The following DCLK1 variants were observed in gnomAD, a reference collection of about 807,000 sequenced individuals.
DCLK1 encodes the protein serine/threonine-protein kinase DCLK1.
A neutral mutation model predicts 86.2 loss-of-function variants in DCLK1; 16 were observed. That is an observed-to-expected ratio of 0.19 (90% CI 0.13 to 0.28). The LOEUF is 0.28. Among genes scored for constraint, DCLK1 ranks in the 10% least tolerant of loss-of-function variants. The pLI, the probability that DCLK1 is intolerant of heterozygous loss-of-function variation, is 1.00. For synonymous variants in DCLK1, 369 were observed against 370.5 expected (o/e 1.00, Z 0.05); for missense variants, 590 against 940.2 (o/e 0.63, Z 4.87).
At chr13:35,823,355 G>GCGCA (rs1555342185) in intron 10 of DCLK1, among the ~76,000 whole-genome samples, 3 of 147,766 alleles carry the variant, frequency 2.0e-5, no homozygotes, top group Non-Finnish European at 4.5e-5. Context: ...TTATTAGGAT[G>GCGCA]CACACACACA....
At chr13:35,842,336 G>A (rs958390619) in intron 6 of DCLK1, among the ~76,000 whole-genome samples, 9 of 148,464 alleles carry the variant, frequency 6.1e-5, no homozygotes, top group Non-Finnish European at 1.0e-4. Flanking sequence ...TTCTAGAGTT[G>A]CCCAGTACAG....
chr13:36,077,668 G>A (rs1240968146), intron 3 of DCLK1, among the ~76,000 whole-genome samples: 1 of 152,172 alleles, frequency 6.6e-6, no homozygotes, highest in Admixed American at 6.5e-5. Flanking sequence ...CAAACAGATT[G>A]ATGACTTGGG....
At chr13:35,971,488 T>C (rs1879056267) in intron 3 of DCLK1, among the ~76,000 whole-genome samples, 1 of 152,076 alleles carries the variant, frequency 6.6e-6, no homozygotes, top group Non-Finnish European at 1.5e-5. Context: ...GTAGGCCAGG[T>C]GCAGTGGCTC....
chr13:36,110,953 C>G (rs2138187842), intron 3 of DCLK1, among the ~76,000 whole-genome samples: 1 of 151,778 alleles, frequency 6.6e-6, no homozygotes, highest in Middle Eastern at 3.4e-3. Context: ...GCCTCAGCCC[C>G]CTGAGTAGCT....
intron 3 of DCLK1, among the ~76,000 whole-genome samples, chr13:36,065,246 T>C (rs1029317842): frequency 9.2e-5 from 14 of 152,186 alleles, no homozygotes; most frequent in African/African-American, 2.9e-4. Context: ...AAAATGGGCA[T>C]AGAAACAGCA....
intron 3 of DCLK1, among the ~76,000 whole-genome samples, chr13:35,980,225 G>A (rs1436250054): frequency 1.3e-5 from 2 of 152,166 alleles, no homozygotes; most frequent in African/African-American, 4.8e-5. Context: ...GGAGGCCAAG[G>A]CGGGAGGATT....
intron 3 of DCLK1, among the ~76,000 whole-genome samples, chr13:36,091,825 G>A (rs1263016806): frequency 6.6e-6 from 1 of 152,004 alleles, no homozygotes; most frequent in Admixed American, 6.6e-5. Flanking sequence ...CCCCACTACT[G>A]GCATCATTTT....
At chr13:35,938,000 C>T (rs1158177486) in intron 4 of DCLK1, among the ~76,000 whole-genome samples, 3 of 151,948 alleles carry the variant, frequency 2.0e-5, no homozygotes, top group Admixed American at 2.0e-4. Flanking sequence ...ATCCACGAAA[C>T]AGTAGGAACA....
intron 4 of DCLK1, among the ~76,000 whole-genome samples, chr13:35,874,951 C>T (rs1167278992): frequency 6.6e-6 from 1 of 152,208 alleles, no homozygotes; most frequent in Non-Finnish European, 1.5e-5. Context: ...GGCATGCTTC[C>T]TCGTACATTT....
chr13:36,120,674 T>TAAA (rs67389934), intron 2 of DCLK1, among the ~76,000 whole-genome samples: 169 of 151,874 alleles, frequency 1.1e-3, no homozygotes, highest in African/African-American at 3.9e-3. Flanking sequence ...TACAAGTTAA[T>TAAA]AAAAACCCTA....
intron 15 of DCLK1, among the ~76,000 whole-genome samples, chr13:35,795,390 T>C (rs1441728114): frequency 6.6e-6 from 1 of 152,224 alleles, no homozygotes; most frequent in Admixed American, 6.5e-5. Flanking sequence ...ATCCCAGAAT[T>C]GAAGCCTTCA....
Position 35,774,270 on chromosome 13 carries a change from T to A in DCLK1, c.*265A>T. 1 of 396,196 alleles carries A rather than the reference T, an allele frequency of 2.5e-6. No individual in the cohort carries two copies. The highest frequency in any genetic ancestry group is 4.6e-6 in the Non-Finnish European group (1 of 216,838). 24.5% of individuals were successfully genotyped at this position (396,196 alleles called of 1,614,324 possible). ...TAGCTTGACTGATGAAAACATTCAT[T>A]GCTTCTAAGTTTAAAAAAAAATTGC... On this transcript the variant is annotated 3_prime_UTR_variant, in exon 17 of 17. Coordinates refer to ENST00000360631, the MANE Select transcript of DCLK1 (RefSeq NM_001330071.2).
intron 3 of DCLK1, among the ~76,000 whole-genome samples, chr13:35,968,198 C>A (rs1878878168): frequency 6.6e-6 from 1 of 152,008 alleles, no homozygotes; most frequent in African/African-American, 2.4e-5. Flanking sequence ...TTCATAGAGA[C>A]AAGAGGTGGA....
At chr13:35,954,490 T>A (rs893425097) in intron 3 of DCLK1, among the ~76,000 whole-genome samples, 2 of 152,226 alleles carry the variant, frequency 1.3e-5, no homozygotes, top group African/African-American at 4.8e-5. Context: ...CCTATAATCA[T>A]GTAATTCCAT....
intron 5 of DCLK1, among the ~76,000 whole-genome samples, chr13:35,859,371 C>A (rs946108554): frequency 6.6e-6 from 1 of 151,580 alleles, no homozygotes; most frequent in Non-Finnish European, 1.5e-5. Flanking sequence ...TCATCCTTTG[C>A]TGTGCTTGTT....
intron 2 of DCLK1, among the ~76,000 whole-genome samples, chr13:36,122,989 G>T (rs1886046596): frequency 6.6e-6 from 1 of 152,156 alleles, no homozygotes; most frequent in East Asian, 1.9e-4. Context: ...CATAGATAAA[G>T]AAATTCACAA....
chr13:36,110,428 G>A (rs915656436), intron 3 of DCLK1, among the ~76,000 whole-genome samples: 3 of 151,996 alleles, frequency 2.0e-5, no homozygotes, highest in Non-Finnish European at 2.9e-5. Flanking sequence ...AGCAAAAGAT[G>A]GTAAATACAA....
rs1057386197 is a variant in DCLK1 at position 35,771,740 on chromosome 13, T to C, written c.*2795A>G. The C allele has an allele frequency of 1.4e-4, 22 of 152,206 alleles. No homozygotes were observed. The highest frequency in any genetic ancestry group is 1.3e-3 in the Admixed American group (20 of 15,270). The allele number at this position is 152,206 out of a possible 1,614,324, so 9.4% of individuals were successfully genotyped here. On this transcript the variant is annotated 3_prime_UTR_variant, in exon 17 of 17. Transcript: ENST00000360631. ...ACCATAAGAGAGCTATATTAAATAC[T>C]TGGGAAAAAATATGGAAACACCGGT...
Position 35,827,431 on chromosome 13 carries a change from A to G in DCLK1, c.1407+204T>C, listed in dbSNP as rs150708561. Among the ~76,000 whole-genome samples the G allele has an allele frequency of 1.3e-3, 191 of 152,330 alleles. 1 individual carries two copies. Among genetic ancestry groups the G allele is most frequent in the African/African-American group, 2.2e-3 (90 of 41,588 alleles). On this transcript the variant is annotated intron_variant, in intron 10 of 16. Coordinates refer to ENST00000360631, the MANE Select transcript of DCLK1 (RefSeq NM_001330071.2). The stretch of plus-strand genomic sequence containing the variant: ...TGTTGAAAGTGAGACATAAAGAGGT[A>G]GACCCAAAGTCATGGGCCTCTTTGT...
Sources: allele counts gnomAD v4.1 joint callset (sites outside exome capture counted in the v4.1 genomes callset), GRCh38; gene constraint gnomAD v4.1.1; transcripts MANE v1.5; gene names NCBI Gene and HGNC (gene_info 2026-07-23, HGNC 2026-07-21).